Variants in ZNF366 observed in about 807,000 individuals in gnomAD.
The protein encoded by ZNF366 is dendritic cell-specific transcript protein.
In ZNF366, 20 loss-of-function variants were observed where a neutral mutation model predicts 47.2. The ratio of observed to expected loss-of-function variants is 0.42; its 90% confidence interval spans 0.30 to 0.62. The LOEUF (loss-of-function observed/expected upper bound fraction) is 0.62. Ranked by LOEUF, ZNF366 falls within the 20% of genes least tolerant of loss-of-function variation. The probability of loss-of-function intolerance (pLI) is 0.16; values close to 1 mark genes in which losing one functional copy is unlikely to be tolerated. For synonymous variants in ZNF366, 421 were observed against 395.1 expected (o/e 1.07, Z -0.78); for missense variants, 987 against 976.3 (o/e 1.01, Z -0.15).
In ZNF366 at chr5:72,443,610, A is replaced by G. The variant is rs1742898701; in HGVS notation, c.*146T>C. 4.5e-6 allele frequency: 4 copies of G among 891,270 alleles called. No individual in the cohort carries two copies. Among genetic ancestry groups the G allele is most frequent in the African/African-American group, 3.4e-5 (2 of 59,350 alleles). 55.2% of individuals were successfully genotyped at this position (891,270 alleles called of 1,614,324 possible). A position where few individuals can be genotyped will look rare whatever the true frequency, so the allele number is the denominator to read the frequency against. ...CGTGAATGACCTGAGAAGGCTTTCC[A>G]TTACCTACATCCCTGCTCATTTAGT... On this transcript the variant is annotated 3_prime_UTR_variant, in exon 5 of 5. Transcript: ENST00000318442.
At chr5:72,487,991 A>G (rs759383352) in intron 1 of ZNF366, among the ~76,000 whole-genome samples, 2 of 152,038 alleles carry the variant, frequency 1.3e-5, no homozygotes, top group African/African-American at 4.8e-5. Flanking sequence ...GGATCACTTG[A>G]GGTCAGGAGT....
chr5:72,451,314 A>G (rs1218651746), intron 3 of ZNF366, among the ~76,000 whole-genome samples: 3 of 152,250 alleles, frequency 2.0e-5, no homozygotes, highest in African/African-American at 7.2e-5. Context: ...GCTTTTTAAG[A>G]TGGAGGTAGA....
At position 72,460,076 on chromosome 5, in the gene ZNF366, G is replaced by C. The variant is rs564487316; in HGVS notation, c.1332+89C>G. The stretch of plus-strand genomic sequence containing the variant: ...ACCTCCTCGGGGTAAGGTGCAGAGC[G>C]GCACAGGCGTCCTGCTCCCCAGTGC... On this transcript the variant is annotated intron_variant, in intron 2 of 4. Coordinates refer to ENST00000318442, the MANE Select transcript of ZNF366 (RefSeq NM_152625.3). 4.9e-5 allele frequency: 74 copies of C among 1,502,134 alleles called. No individual in the cohort carries two copies. In the South Asian group the frequency reaches 8.4e-4, roughly 17 times the overall value. 93.1% of individuals were successfully genotyped at this position (1,502,134 alleles called of 1,614,324 possible).
At chr5:72,464,640 T>C (rs1305928660) in intron 1 of ZNF366, among the ~76,000 whole-genome samples, 1 of 152,250 alleles carries the variant, frequency 6.6e-6, no homozygotes, top group Admixed American at 6.5e-5. Context: ...TTTAATTTTT[T>C]ACGTATCTTA....
rs1742904742 is a variant in ZNF366 at position 72,443,882 on chromosome 5, C to G, written c.2109G>C (p.Arg703Ser). ...CAGRDECLSLRAFQSTRRGPS... is the reference protein window; with the variant it reads ...CAGRDECLSLSAFQSTRRGPS... ...GGCCCCGCCGGGTACTCTGAAAAGC[C>G]CTGAGACTGAGACACTCATCTCTGC... The change falls in exon 5 of 5, where the codon AGG becomes AGC. Residue 703 changes from arginine (R) to serine (S), a missense_variant. Arg to Ser is a moderately radical substitution (Grantham distance 110). Coordinates refer to ENST00000318442, the MANE Select transcript of ZNF366 (RefSeq NM_152625.3). 6.2e-7 allele frequency: 1 copy of G among 1,614,086 alleles called. No individual in the cohort carries two copies. The highest frequency in any genetic ancestry group is 8.5e-7 in the Non-Finnish European group (1 of 1,180,046).
At position 72,483,029 on chromosome 5, in the gene ZNF366, C is replaced by T. The variant is rs113243276; in HGVS notation, c.-14-21519G>A. ...CCAGACTGAGTCCTGTTCTCTTTCTCTGTAGATGCTGTTTTAAAGAAATTA... is the reference window on the plus strand; with the variant it reads ...CCAGACTGAGTCCTGTTCTCTTTCTTTGTAGATGCTGTTTTAAAGAAATTA... On this transcript the variant is annotated intron_variant, in intron 1 of 4. Coordinates refer to ENST00000318442, the MANE Select transcript of ZNF366 (RefSeq NM_152625.3). Among the ~76,000 whole-genome samples the T allele has an allele frequency of 5.8e-3, 886 of 152,238 alleles. 10 individuals are homozygous for T. The highest frequency in any genetic ancestry group is 0.019 in the African/African-American group (805 of 41,526).
At chr5:72,452,253 G>A (rs1400145946) in intron 3 of ZNF366, among the ~76,000 whole-genome samples, 1 of 152,170 alleles carries the variant, frequency 6.6e-6, no homozygotes, top group African/African-American at 2.4e-5. Context: ...TTCCTCAAAG[G>A]GAGAGAGAGG....
At chr5:72,485,580 T>C (rs1279596833) in intron 1 of ZNF366, among the ~76,000 whole-genome samples, 2 of 152,218 alleles carry the variant, frequency 1.3e-5, no homozygotes. Flanking sequence ...AGGATCATTG[T>C]AACAGCCTCC....
At position 72,443,852 on chromosome 5, in the gene ZNF366, A is replaced by G. The variant is rs368594384; in HGVS notation, c.2139T>C (p.Ser713=). The G allele has an allele frequency of 3.1e-6, 5 of 1,614,162 alleles. No homozygotes were observed. In the East Asian group the frequency reaches 1.1e-4, roughly 36 times the overall value. Reference sequence around the variant, plus strand: ...GCTTGAAGTATAAGTAATCAGAAAAAGAGGGGCCCCGCCGGGTACTCTGAA... The same window carrying G: ...GCTTGAAGTATAAGTAATCAGAAAAGGAGGGGCCCCGCCGGGTACTCTGAA... ...RAFQSTRRGP[S]FSDYLYFKHR... The change falls in exon 5 of 5, where the codon TCT becomes TCC. Residue 713 remains serine, a synonymous_variant. Coordinates refer to ENST00000318442, the MANE Select transcript of ZNF366 (RefSeq NM_152625.3).
chr5:72,501,579 G>T (rs1331957397), intron 1 of ZNF366, among the ~76,000 whole-genome samples: 1 of 152,154 alleles, frequency 6.6e-6, no homozygotes, highest in South Asian at 2.1e-4. Flanking sequence ...CTCAACAAGG[G>T]TATCACATTT....
Position 72,443,623 on chromosome 5 carries a change from C to T in ZNF366, c.*133G>A. 1.0e-6 allele frequency: 1 copy of T among 989,686 alleles called. No individual in the cohort carries two copies. The highest frequency in any genetic ancestry group is 1.5e-6 in the Non-Finnish European group (1 of 688,934). 61.3% of individuals were successfully genotyped at this position (989,686 alleles called of 1,614,324 possible). A position where few individuals can be genotyped will look rare whatever the true frequency, so the allele number is the denominator to read the frequency against. ...AGAAGGCTTTCCATTACCTACATCC[C>T]TGCTCATTTAGTCTAAGCCATTTGT... On this transcript the variant is annotated 3_prime_UTR_variant, in exon 5 of 5. Transcript: ENST00000318442.
chr5:72,442,921 A>C lies in ZNF366; in HGVS notation c.*835T>G, dbSNP rs1411695954. 6.6e-6 allele frequency: 1 copy of C among 152,464 alleles called. No homozygotes were observed. Among genetic ancestry groups the C allele is most frequent in the Non-Finnish European group, 1.5e-5 (1 of 68,302 alleles). The allele number at this position is 152,464 out of a possible 1,614,324, so 9.4% of individuals were successfully genotyped here. A position where few individuals can be genotyped will look rare whatever the true frequency, so the allele number is the denominator to read the frequency against. ...AGTGATCTGCCTGCCTCGGCCTCCC[A>C]AAGTGCTGGGATTACAGGCGTGAGC... On this transcript the variant is annotated 3_prime_UTR_variant, in exon 5 of 5. Coordinates refer to ENST00000318442, the MANE Select transcript of ZNF366 (RefSeq NM_152625.3).
intron 1 of ZNF366, among the ~76,000 whole-genome samples, chr5:72,479,816 T>G (rs1302541189): frequency 6.6e-6 from 1 of 152,218 alleles, no homozygotes; most frequent in Non-Finnish European, 1.5e-5. Context: ...AACACACACC[T>G]GCCTGAGACA....
rs117608863 is a variant in ZNF366 at position 72,507,035 on chromosome 5, T to C, written c.-15+216A>G. Among the ~76,000 whole-genome samples, 166 of 152,332 alleles carry C rather than the reference T, an allele frequency of 1.1e-3. 5 individuals are homozygous for C. The East Asian group carries it at 0.03, about 28-fold the overall frequency. ...AACGCAGTGTCCTCTTTAGTCCCAA[T>C]GTAATTCTATTTCTAGTTTTGCCAG... On this transcript the variant is annotated intron_variant, in intron 1 of 4. Transcript: ENST00000318442.
intron 3 of ZNF366, among the ~76,000 whole-genome samples, chr5:72,452,094 A>C: frequency 6.6e-6 from 1 of 152,228 alleles, no homozygotes; most frequent in East Asian, 1.9e-4. Context: ...GAGCTTTAAA[A>C]ATGAGATGCA....
intron 1 of ZNF366, among the ~76,000 whole-genome samples, chr5:72,482,532 T>C (rs1248919731): frequency 6.6e-6 from 1 of 152,180 alleles, no homozygotes; most frequent in East Asian, 1.9e-4. Flanking sequence ...GGAAACCATC[T>C]ATGAGCCCTA....
At chr5:72,494,137 A>G (rs979657700) in intron 1 of ZNF366, 3 of 152,120 alleles carry the variant, frequency 2.0e-5, no homozygotes, top group African/African-American at 4.8e-5. Flanking sequence ...AACATATACC[A>G]TAACATATGA....
At chr5:72,501,888 T>C (rs1272237232) in intron 1 of ZNF366, among the ~76,000 whole-genome samples, 3 of 152,092 alleles carry the variant, frequency 2.0e-5, no homozygotes, top group African/African-American at 4.8e-5. Context: ...TGGGTGGGGG[T>C]GCTTGCCAAG....
At chr5:72,452,603 G>A (rs1743097370) in intron 3 of ZNF366, among the ~76,000 whole-genome samples, 1 of 152,238 alleles carries the variant, frequency 6.6e-6, no homozygotes, top group African/African-American at 2.4e-5. Context: ...TTTGACAACA[G>A]TGGTGGAACC....
Sources: gnomAD v4.1 joint callset for allele counts (sites outside exome capture counted in the v4.1 genomes callset) on GRCh38, gnomAD v4.1.1 for gene constraint, MANE v1.5 for transcripts, NCBI Gene and HGNC (gene_info 2026-07-23, HGNC 2026-07-21) for gene names.